The following ABCA12 variants were observed in gnomAD, a reference collection of about 807,000 sequenced individuals.
The protein encoded by ABCA12 is ATP binding cassette subfamily A member 12.
A neutral mutation model predicts 293.5 loss-of-function variants in ABCA12; 156 were observed. The observed-to-expected ratio is 0.53, with a 90% confidence interval of 0.47 to 0.61. The LOEUF (loss-of-function observed/expected upper bound fraction) is 0.61. Among genes scored for constraint, ABCA12 ranks in the 20% least tolerant of loss-of-function variants. The pLI is 0.00. For synonymous variants in ABCA12, 1,063 were observed against 1,108.0 expected (o/e 0.96, Z 0.81); for missense variants, 2,797 against 3,090.2 (o/e 0.91, Z 2.25).
chr2:215,083,065 AG>A (rs1390887588), intron 2 of ABCA12, among the ~76,000 whole-genome samples: 1 of 152,194 alleles, frequency 6.6e-6, no homozygotes, highest in Non-Finnish European at 1.5e-5. Context: ...GTGAGCTGAA[AG>A]CTGATGGAAG....
intron 2 of ABCA12, among the ~76,000 whole-genome samples, 179 bp downstream of exon 2, chr2:215,111,418 C>G (rs984379887): frequency 6.6e-6 from 1 of 152,160 alleles, no homozygotes; most frequent in Non-Finnish European, 1.5e-5. Flanking sequence ...ATTACAAACT[C>G]AACTTTCTGA....
chr2:215,122,435 T>C (rs1194353079), intron 1 of ABCA12, among the ~76,000 whole-genome samples: 2 of 152,194 alleles, frequency 1.3e-5, no homozygotes, highest in Non-Finnish European at 2.9e-5. Flanking sequence ...TCCTAAATTG[T>C]TTTATTCTAA....
Position 214,942,909 on chromosome 2 carries a change from TGCATTTGTTCTTC to T in ABCA12, c.7436+3_7436+15del, listed in dbSNP as rs1698453434. The T allele has an allele frequency of 6.2e-7, 1 of 1,607,836 alleles. No individual in the cohort carries two copies. The highest frequency in any genetic ancestry group is 1.3e-5 in the African/African-American group (1 of 74,782). ...TGACCCAACACTATCTGTTAAGCAATGCATTTGTTCTTCACCTGCTCTTTATGTGCTGCAAAGA... is the reference window on the plus strand; with the variant it reads ...TGACCCAACACTATCTGTTAAGCAATACCTGCTCTTTATGTGCTGCAAAGA... On this transcript the variant is annotated splice_donor_5th_base_variant and intron_variant, in intron 50 of 52. Coordinates refer to ENST00000272895, the MANE Select transcript of ABCA12 (RefSeq NM_173076.3).
chr2:214,978,469 A>G lies in ABCA12; in HGVS notation c.4978-3T>C, dbSNP rs1699572673. ...TCTTTGGTCAAGTTCAGAAAGACCT[A>G]GAAAGAGAAGCCAGATCACTTCATT... On this transcript the variant is annotated splice_region_variant and splice_polypyrimidine_tract_variant and intron_variant, in intron 32 of 52. Coordinates refer to ENST00000272895, the MANE Select transcript of ABCA12 (RefSeq NM_173076.3). 2 of 1,613,078 alleles carry G rather than the reference A, an allele frequency of 1.2e-6. No homozygotes were observed. Among genetic ancestry groups the G allele is most frequent in the African/African-American group, 1.3e-5 (1 of 74,928 alleles).
chr2:215,069,891 G>A (rs886230478), intron 2 of ABCA12, among the ~76,000 whole-genome samples: 6 of 152,102 alleles, frequency 3.9e-5, no homozygotes, highest in African/African-American at 1.4e-4. Flanking sequence ...TTAAAAGAAA[G>A]AAAAAACCTT....
At chr2:214,963,922 T>TGAA (rs1336306079) in intron 39 of ABCA12, among the ~76,000 whole-genome samples, 1 of 25,712 alleles carries the variant, frequency 3.9e-5, no homozygotes, top group Admixed American at 5.2e-4. Flanking sequence ...AGACTCTGCC[T>TGAA]CAAAAAAAAA....
chr2:214,954,203 T>C, intron 43 of ABCA12, 96 bp from the exon 44 acceptor site: 1 of 1,335,042 alleles, frequency 7.5e-7, no homozygotes. Flanking sequence ...TAGTGAAACC[T>C]AAAAAGCTTA....
At chr2:215,090,108 C>T (rs1702112367) in intron 2 of ABCA12, among the ~76,000 whole-genome samples, 4 of 152,190 alleles carry the variant, frequency 2.6e-5, no homozygotes, top group Admixed American at 2.6e-4. Flanking sequence ...CTTGTGACCC[C>T]TGCCCCTGCC....
At position 215,045,919 on chromosome 2, in the gene ABCA12, G is replaced by A; in HGVS notation, c.790C>T (p.Gln264Ter). The A allele has an allele frequency of 6.2e-7, 1 of 1,613,668 alleles. No homozygotes were observed. The highest frequency in any genetic ancestry group is 8.5e-7 in the Non-Finnish European group (1 of 1,179,774). ...ACATTTGGAAAACTAGACAGAAGCT[G>A]CCACACAGCTTTCTGCTCTTGCACT... ...SQVQEQKAVW[Q>*]LLSSFPNVFQ... Residue 264 changes from glutamine to a stop codon, truncating the protein, a stop_gained, in exon 7 of 53, where the codon CAG becomes TAG. Coordinates refer to ENST00000272895, the MANE Select transcript of ABCA12 (RefSeq NM_173076.3). LOFTEE classifies it high-confidence loss of function.
At chr2:215,124,698 A>G (rs1176423028) in intron 1 of ABCA12, among the ~76,000 whole-genome samples, 2 of 151,832 alleles carry the variant, frequency 1.3e-5, no homozygotes, top group African/African-American at 4.8e-5. Context: ...TAGATTCTGG[A>G]TATTAGTACT....
chr2:215,096,330 A>G (rs538734555), intron 2 of ABCA12, among the ~76,000 whole-genome samples: 1 of 152,316 alleles, frequency 6.6e-6, no homozygotes, highest in South Asian at 2.1e-4. Flanking sequence ...TGAAGCTGAG[A>G]TTTGAATTGA....
At position 215,007,744 on chromosome 2, in the gene ABCA12, C is replaced by G; in HGVS notation, c.2575G>C (p.Ala859Pro). 1 of 1,613,924 alleles carries G rather than the reference C, an allele frequency of 6.2e-7. No homozygotes were observed. Among genetic ancestry groups the G allele is most frequent in the African/African-American group, 1.3e-5 (1 of 75,024 alleles). The stretch of plus-strand genomic sequence containing the variant: ...TCTCATACCTGGAGCATTGGAATTG[C>G]CTGGTTTAACAGATGGAAGGAATTC... ...FMNSFHLLNQ[A>P]IPMLQNTLRN... The change falls in exon 19 of 53, where the codon GCA (alanine) becomes CCA (proline). Residue 859 changes from alanine to proline, a missense_variant. Transcript: ENST00000272895.
rs142521542 is a variant in ABCA12 at position 215,122,548 on chromosome 2, T to C, written c.70-10858A>G. 1.7e-3 allele frequency among the ~76,000 whole-genome samples: 258 copies of C among 152,306 alleles called. 2 individuals are homozygous for C. Among genetic ancestry groups the C allele is most frequent in the South Asian group, 0.011 (55 of 4,826 alleles). ...GGTGGTAATATGAGCAAGTTGGGGA[T>C]TGCAGGAGGGTATGTCAAGCTTGAT... On this transcript the variant is annotated intron_variant, in intron 1 of 52. Transcript: ENST00000272895.
chr2:214,947,937 C>T (rs1441093443), intron 47 of ABCA12: 8 of 273,570 alleles, frequency 2.9e-5, no homozygotes, highest in Non-Finnish European at 5.0e-5. Flanking sequence ...CCTCTTTCTC[C>T]TTACTGAGGG....
In ABCA12 at chr2:215,025,810, G is replaced by A. The variant is rs775593214; in HGVS notation, c.1181-31C>T. 5 of 1,489,658 alleles carry A rather than the reference G, an allele frequency of 3.4e-6. No individual in the cohort carries two copies. In the Admixed American group the frequency reaches 5.0e-5, roughly 15 times the overall value. The allele number at this position is 1,489,658 out of a possible 1,614,324, so 92.3% of individuals were successfully genotyped here. A position where few individuals can be genotyped will look rare whatever the true frequency, so the allele number is the denominator to read the frequency against. On this transcript the variant is annotated intron_variant, in intron 10 of 52. Transcript: ENST00000272895. The stretch of plus-strand genomic sequence containing the variant: ...AAGGAAGGGAGAAGAGTTACTTTAT[G>A]TGAATTGCAAGGTCATTTAGGAAAC...
intron 24 of ABCA12, 55 bp from the exon 25 acceptor site, chr2:214,989,676 C>A: frequency 6.3e-7 from 1 of 1,580,730 alleles, no homozygotes; most frequent in South Asian, 1.1e-5. Flanking sequence ...GTATTTCACC[C>A]AGAGGTATCC....
At chr2:215,123,733 C>T (rs969895948) in intron 1 of ABCA12, among the ~76,000 whole-genome samples, 6 of 150,830 alleles carry the variant, frequency 4.0e-5, no homozygotes, top group Non-Finnish European at 8.8e-5. Flanking sequence ...ACACCAACAT[C>T]TGTTATTTTT....
Position 215,018,063 on chromosome 2 carries a change from G to T in ABCA12, c.1727C>A (p.Ser576Tyr). The T allele has an allele frequency of 6.2e-7, 1 of 1,614,068 alleles. No individual in the cohort carries two copies. The highest frequency in any genetic ancestry group is 1.1e-5 in the South Asian group (1 of 91,080). The change falls in exon 14 of 53, where the codon TCC becomes TAC. Residue 576 changes from serine to tyrosine, a missense_variant. Ser to Tyr is a moderately radical substitution (Grantham distance 144). Around this residue, in one of 3 missense-constraint regions of ABCA12, gnomAD observed 656 missense variants for 638.2 expected, o/e 1.03. Transcript: ENST00000272895. ...KEDLRRTTGM[S>Y]NRTIDKLLAI... ...CAGCAACTTGTCAATAGTCCTGTTG[G>T]ACATTCCTGTTGTTCTCCTTAAATC...
intron 4 of ABCA12, among the ~76,000 whole-genome samples, chr2:215,053,941 G>A (rs1005689451): frequency 2.0e-5 from 3 of 151,872 alleles, no homozygotes; most frequent in African/African-American, 4.8e-5. Flanking sequence ...TGAATCACTC[G>A]CACCTAAGGC....
Sources: gnomAD v4.1 joint callset for allele counts (sites outside exome capture counted in the v4.1 genomes callset) on GRCh38, gnomAD v4.1.1 for gene constraint, gnomAD v4.1.1 regional missense constraint, MANE v1.5 for transcripts, NCBI Gene and HGNC (gene_info 2026-07-23, HGNC 2026-07-21) for gene names.